Variants in FHOD3 observed in about 807,000 individuals in gnomAD.
The protein encoded by FHOD3 is formin homology 2 domain containing 3, also known as FH1/FH2 domain-containing protein 3.
In FHOD3, 90 loss-of-function variants were observed where a neutral mutation model predicts 173.0. That is an observed-to-expected ratio of 0.52 (90% CI 0.44 to 0.62). The LOEUF is 0.62. Ranked by LOEUF, FHOD3 falls within the 20% of genes least tolerant of loss-of-function variation. The pLI is 0.00. For synonymous variants in FHOD3, 828 were observed against 823.0 expected, an observed-to-expected ratio of 1.01 and a Z score of -0.10; for missense variants, 1,945 against 2,034.7, an observed-to-expected ratio of 0.96 and a Z score of 0.85.
chr18:36,387,249 G>C (rs1351707762), intron 3 of FHOD3, among the ~76,000 whole-genome samples: 1 of 152,134 alleles, frequency 6.6e-6, no homozygotes, highest in Non-Finnish European at 1.5e-5. Context: ...TCATCAGGTT[G>C]CTAGATTTGG....
At chr18:36,394,661 C>T (rs2048464735) in intron 3 of FHOD3, among the ~76,000 whole-genome samples, 1 of 152,240 alleles carries the variant, frequency 6.6e-6, no homozygotes, top group Non-Finnish European at 1.5e-5. Context: ...TTAGCTTCCT[C>T]TCTTAGTGGT....
chr18:36,323,122 G>A lies in FHOD3; in HGVS notation c.165+25122G>A, dbSNP rs536823940. Among the ~76,000 whole-genome samples the A allele has an allele frequency of 9.2e-5, 14 of 152,212 alleles. No individual in the cohort carries two copies. The South Asian group carries it at 1.7e-3, about 18-fold the overall frequency. On this transcript the variant is annotated intron_variant, in intron 1 of 28. Coordinates refer to ENST00000590592, the MANE Select transcript of FHOD3 (RefSeq NM_001281740.3). ...GGTGGCTGCGAGCCTGACATGCTTC[G>A]ACTCAGGAAATGTCTAGCCCAGGGC...
At chr18:36,406,905 G>A (rs8084807) in intron 3 of FHOD3, among the ~76,000 whole-genome samples, 66,436 of 151,574 alleles carry the variant, frequency 0.44, 14,958 homozygotes, top group East Asian at 0.68. Context: ...GCTTACCTAC[G>A]CATCCGCCCT....
intron 18 of FHOD3, among the ~76,000 whole-genome samples, chr18:36,716,853 AG>A (rs1568659611): frequency 6.6e-6 from 1 of 152,034 alleles, no homozygotes; most frequent in African/African-American, 2.4e-5. Flanking sequence ...TGATAGCTAG[AG>A]GGATGAGTGG....
intron 3 of FHOD3, among the ~76,000 whole-genome samples, chr18:36,456,398 T>C (rs550060833): frequency 2.0e-5 from 3 of 152,218 alleles, no homozygotes; most frequent in East Asian, 3.9e-4. Flanking sequence ...GATATGCTGA[T>C]GGTTTTTCTT....
chr18:36,549,790 C>T (rs145507493), intron 5 of FHOD3, among the ~76,000 whole-genome samples: 10,585 of 150,834 alleles, frequency 0.07, 492 homozygotes, highest in South Asian at 0.2. Context: ...CCTCATGATC[C>T]GCCTGCCTCA....
chr18:36,698,207 A>G (rs2039393383), intron 17 of FHOD3, among the ~76,000 whole-genome samples: 1 of 152,162 alleles, frequency 6.6e-6, no homozygotes, highest in East Asian at 1.9e-4. Flanking sequence ...CAATTGGACA[A>G]AATCTTTCAG....
intron 18 of FHOD3, among the ~76,000 whole-genome samples, chr18:36,714,844 G>T (rs2040361721): frequency 6.6e-6 from 1 of 152,196 alleles, no homozygotes; most frequent in Non-Finnish European, 1.5e-5. Flanking sequence ...TGTTGAGATG[G>T]CCTAAGGTCC....
intron 1 of FHOD3, among the ~76,000 whole-genome samples, chr18:36,323,590 C>T (rs752659605): frequency 1.4e-4 from 21 of 152,182 alleles, no homozygotes; most frequent in Non-Finnish European, 2.8e-4. Flanking sequence ...CAGTTCTTAG[C>T]TCAGCTCAAC....
intron 3 of FHOD3, among the ~76,000 whole-genome samples, chr18:36,497,183 G>T (rs1723058480): frequency 6.6e-6 from 1 of 152,134 alleles, no homozygotes; most frequent in African/African-American, 2.4e-5. Context: ...GTTTTGTTTT[G>T]AAAATTAAAG....
At position 36,392,990 on chromosome 18, in the gene FHOD3, C is replaced by T. The variant is rs537233637; in HGVS notation, c.337+20246C>T. On this transcript the variant is annotated intron_variant, in intron 3 of 28. Coordinates refer to ENST00000590592, the MANE Select transcript of FHOD3 (RefSeq NM_001281740.3). ...GAAGTCCTTTGCCAACTGGAAGCAA[C>T]ATATATTAAGTCTGCCCACAATATG... Among the ~76,000 whole-genome samples, 42 of 152,294 alleles carry T rather than the reference C, an allele frequency of 2.8e-4. 1 individual carries two copies. The highest frequency in any genetic ancestry group is 1.0e-3 in the Admixed American group (16 of 15,288).
At chr18:36,763,877 C>G (rs958982908) in intron 27 of FHOD3, among the ~76,000 whole-genome samples, 15 of 152,208 alleles carry the variant, frequency 9.9e-5, no homozygotes, top group Middle Eastern at 3.4e-3. Flanking sequence ...ATTATTACAT[C>G]AAAGAATTAA....
chr18:36,520,306 G>T (rs2056212194), intron 5 of FHOD3, among the ~76,000 whole-genome samples: 1 of 152,080 alleles, frequency 6.6e-6, no homozygotes, highest in African/African-American at 2.4e-5. Context: ...TATGAATATT[G>T]TTGAATATAG....
In FHOD3 at chr18:36,742,844, A is replaced by G; in HGVS notation, c.3867A>G (p.Leu1289=). 1 of 1,613,300 alleles carries G rather than the reference A, an allele frequency of 6.2e-7. No individual in the cohort carries two copies. Among genetic ancestry groups the G allele is most frequent in the Non-Finnish European group, 8.5e-7 (1 of 1,179,714 alleles). The change falls in exon 22 of 29, where the codon CTA becomes CTG. Residue 1289 remains leucine (L), a synonymous_variant. Coordinates refer to ENST00000590592, the MANE Select transcript of FHOD3 (RefSeq NM_001281740.3). ...LSTLLAIGNF[L]NGTNAKAFEL... Reference sequence around the variant, plus strand: ...CTCTCTTAGCCATTGGGAACTTTCTAAATGGAACTAATGTAAGTCATCCCC... The same window carrying G: ...CTCTCTTAGCCATTGGGAACTTTCTGAATGGAACTAATGTAAGTCATCCCC...
At chr18:36,319,782 A>T (rs967342570) in intron 1 of FHOD3, among the ~76,000 whole-genome samples, 1 of 152,194 alleles carries the variant, frequency 6.6e-6, no homozygotes, top group African/African-American at 2.4e-5. Context: ...ATCATGACAA[A>T]CTGTCTCTCA....
chr18:36,608,438 A>G (rs918277527), intron 8 of FHOD3, among the ~76,000 whole-genome samples: 14 of 152,204 alleles, frequency 9.2e-5, no homozygotes, highest in Non-Finnish European at 1.2e-4. Context: ...TTACCTAATC[A>G]CTGCTTAAAG....
intron 1 of FHOD3, among the ~76,000 whole-genome samples, chr18:36,344,606 A>G (rs1394475031): frequency 1.3e-5 from 2 of 152,212 alleles, no homozygotes; most frequent in Admixed American, 1.3e-4. Context: ...AGAAGAATAA[A>G]GAATAGTAGA....
At chr18:36,466,520 G>T (rs1397987071) in intron 3 of FHOD3, among the ~76,000 whole-genome samples, 1 of 152,126 alleles carries the variant, frequency 6.6e-6, no homozygotes, top group East Asian at 1.9e-4. Flanking sequence ...GTTGGTTTTG[G>T]GCTTTTAAAT....
intron 3 of FHOD3, among the ~76,000 whole-genome samples, chr18:36,458,513 G>A (rs1326781922): frequency 6.6e-6 from 1 of 152,116 alleles, no homozygotes; most frequent in African/African-American, 2.4e-5. Context: ...AGGATGGGGA[G>A]TGTCTCTGGA....
Sources: allele counts gnomAD v4.1 joint callset (sites outside exome capture counted in the v4.1 genomes callset), GRCh38; gene constraint gnomAD v4.1.1; transcripts MANE v1.5; gene names NCBI Gene and HGNC (gene_info 2026-07-23, HGNC 2026-07-21).